NBEA: variants seen among roughly 807,000 people sequenced by gnomAD.
NBEA encodes neurobeachin, also known as lysosomal-trafficking regulator 2.
Under a neutral mutation model 343.4 loss-of-function variants are expected in NBEA, and 44 were observed. That is an observed-to-expected ratio of 0.13 (90% CI 0.10 to 0.16). The LOEUF (loss-of-function observed/expected upper bound fraction) is 0.16, where lower values mean the gene tolerates loss of function less well. Ranked by LOEUF, NBEA falls within the 10% of genes least tolerant of loss-of-function variation. The pLI is 1.00. For missense variants in NBEA, 2,555 were observed against 3,631.3 expected, an observed-to-expected ratio of 0.70 and a Z score of 7.62; for synonymous variants, 1,175 against 1,238.7, an observed-to-expected ratio of 0.95 and a Z score of 1.08.
At chr13:35,042,842 C>T (rs2062704718) in intron 2 of NBEA, among the ~76,000 whole-genome samples, 1 of 151,684 alleles carries the variant, frequency 6.6e-6, no homozygotes, top group African/African-American at 2.4e-5. Context: ...TAAGGAAGAA[C>T]CAGTAGCCAC....
chr13:35,422,102 T>A lies in NBEA; in HGVS notation c.6180-10167T>A, dbSNP rs939708598. Among the ~76,000 whole-genome samples the A allele has an allele frequency of 1.9e-3, 270 of 142,858 alleles. 2 individuals carry two copies. Among genetic ancestry groups the A allele is most frequent in the African/African-American group, 6.5e-3 (251 of 38,424 alleles). 93.7% of individuals were successfully genotyped at this position (142,858 alleles called of 152,430 possible). ...TTTTTTTGTTTGTTTGTTTTTTTTT[T>A]TTTTTAGATTCTTCGTTCTTTCACA... On this transcript the variant is annotated intron_variant, in intron 38 of 58. Coordinates refer to ENST00000379939, the MANE Select transcript of NBEA (RefSeq NM_001385012.1).
chr13:35,158,065 G>C (rs2069299686), intron 21 of NBEA, among the ~76,000 whole-genome samples: 1 of 152,130 alleles, frequency 6.6e-6, no homozygotes, highest in Non-Finnish European at 1.5e-5. Context: ...AATACATAAT[G>C]TAAATGAATG....
chr13:35,301,994 G>T (rs958775000), intron 35 of NBEA, among the ~76,000 whole-genome samples: 1 of 152,068 alleles, frequency 6.6e-6, no homozygotes, highest in African/African-American at 2.4e-5. Flanking sequence ...TGTCTGTATG[G>T]CTAAAGTCAT....
intron 10 of NBEA, among the ~76,000 whole-genome samples, chr13:35,093,987 T>C (rs1230996713): frequency 3.3e-5 from 5 of 151,808 alleles, no homozygotes; most frequent in African/African-American, 9.7e-5. Context: ...TAATATATAG[T>C]AATATAAGAG....
chr13:35,425,739 C>A (rs1594592154), intron 38 of NBEA, among the ~76,000 whole-genome samples: 1 of 152,130 alleles, frequency 6.6e-6, no homozygotes, highest in East Asian at 1.9e-4. Flanking sequence ...CTAATGTTGA[C>A]AGTGGGGTGT....
intron 41 of NBEA, among the ~76,000 whole-genome samples, chr13:35,527,864 G>A (rs1426657326): frequency 1.3e-5 from 2 of 152,174 alleles, no homozygotes; most frequent in East Asian, 1.9e-4. Context: ...CGCACCTTCC[G>A]CGCATCAGCC....
At chr13:35,224,395 G>A (rs1170119631) in intron 33 of NBEA, among the ~76,000 whole-genome samples, 1 of 152,006 alleles carries the variant, frequency 6.6e-6, no homozygotes, top group East Asian at 1.9e-4. Flanking sequence ...AAAATTATTT[G>A]ATACTGTTTA....
intron 30 of NBEA, among the ~76,000 whole-genome samples, chr13:35,195,547 C>G (rs927525306): frequency 6.6e-6 from 1 of 151,834 alleles, no homozygotes; most frequent in African/African-American, 2.4e-5. Context: ...TAGACGTATC[C>G]CACCGTGCCT....
intron 46 of NBEA, among the ~76,000 whole-genome samples, chr13:35,592,711 G>A (rs776234201): frequency 1.3e-5 from 2 of 152,070 alleles, no homozygotes; most frequent in Non-Finnish European, 2.9e-5. Context: ...GCAGGTTCCA[G>A]ATCATTCAGC....
intron 34 of NBEA, among the ~76,000 whole-genome samples, chr13:35,248,165 A>G (rs982361852): frequency 6.6e-6 from 1 of 152,220 alleles, no homozygotes; most frequent in Admixed American, 6.5e-5. Flanking sequence ...AAAGACAACT[A>G]TAAAACCAAT....
At chr13:35,290,477 A>G (rs751875865) in intron 35 of NBEA, 27 bp downstream of exon 35, 3 of 1,548,078 alleles carry the variant, frequency 1.9e-6, no homozygotes, top group East Asian at 2.3e-5. Context: ...ACTCAGTTAC[A>G]TTAATATATG....
At chr13:35,420,362 T>A (rs1194255572) in intron 38 of NBEA, among the ~76,000 whole-genome samples, 1 of 152,040 alleles carries the variant, frequency 6.6e-6, no homozygotes, top group Non-Finnish European at 1.5e-5. Context: ...AAATATCTTT[T>A]ATAATGACTA....
chr13:34,972,025 T>C (rs2060013410), intron 1 of NBEA, among the ~76,000 whole-genome samples: 1 of 152,156 alleles, frequency 6.6e-6, no homozygotes, highest in Non-Finnish European at 1.5e-5. Flanking sequence ...GAACTCATTA[T>C]TGGTCAGTTC....
At chr13:35,005,069 A>G (rs943675119) in intron 1 of NBEA, among the ~76,000 whole-genome samples, 1 of 152,188 alleles carries the variant, frequency 6.6e-6, no homozygotes, top group Non-Finnish European at 1.5e-5. Flanking sequence ...ATACTGTTAC[A>G]TGTGAAATGG....
chr13:35,604,287 C>T (rs7993395), intron 47 of NBEA, among the ~76,000 whole-genome samples: 33,210 of 152,108 alleles, frequency 0.22, 3,809 homozygotes, highest in Non-Finnish European at 0.23. Flanking sequence ...ATATTGGAGT[C>T]ATTGAAAAAT....
chr13:35,300,918 G>C (rs560500381), intron 35 of NBEA, among the ~76,000 whole-genome samples: 1 of 151,956 alleles, frequency 6.6e-6, no homozygotes, highest in East Asian at 1.9e-4. Flanking sequence ...GTCTACCTAG[G>C]ATGTAAAGGG....
chr13:35,185,130 AG>A (rs2071602157), intron 30 of NBEA, among the ~76,000 whole-genome samples: 1 of 152,090 alleles, frequency 6.6e-6, no homozygotes, highest in Non-Finnish European at 1.5e-5. Flanking sequence ...GCTTAGATGG[AG>A]GTGACCATCT....
intron 1 of NBEA, among the ~76,000 whole-genome samples, chr13:35,017,927 G>A (rs149370793): frequency 6.6e-6 from 1 of 152,164 alleles, no homozygotes; most frequent in African/African-American, 2.4e-5. Flanking sequence ...TATAAAGTAA[G>A]GATAAAAGTT....
chr13:35,408,867 G>A (rs2043419644), intron 38 of NBEA, among the ~76,000 whole-genome samples: 1 of 152,168 alleles, frequency 6.6e-6, no homozygotes, highest in Non-Finnish European at 1.5e-5. Flanking sequence ...TGGTGAGGTA[G>A]TGGAGAAAAA....
Sources: gnomAD v4.1 joint callset for allele counts (sites outside exome capture counted in the v4.1 genomes callset) on GRCh38, gnomAD v4.1.1 for gene constraint, MANE v1.5 for transcripts, NCBI Gene and HGNC (gene_info 2026-07-23, HGNC 2026-07-21) for gene names.